The following TCF12 variants were observed in gnomAD, a reference collection of about 807,000 sequenced individuals.
The protein encoded by TCF12 is DNA-binding protein HTF4.
TCF12 carries 45 observed loss-of-function variants against 86.0 expected under a neutral mutation model. The observed-to-expected ratio is 0.52, with a 90% CI of 0.41 to 0.67. TCF12 has a LOEUF of 0.67. TCF12 is among the 30% of genes least tolerant of loss of function. The pLI, the probability that TCF12 is intolerant of heterozygous loss-of-function variation, is 0.00. For missense variants in TCF12, 881 were observed against 859.9 expected, an observed-to-expected ratio of 1.02 and a Z score of -0.31; for synonymous variants, 330 against 299.6, an observed-to-expected ratio of 1.10 and a Z score of -1.05.
chr15:57,063,290 A>G (rs1250246031), intron 3 of TCF12, among the ~76,000 whole-genome samples: 1 of 152,230 alleles, frequency 6.6e-6, no homozygotes, highest in African/African-American at 2.4e-5. Flanking sequence ...TCAGTTAAGA[A>G]TATCTGATCA....
At position 57,270,115 on chromosome 15, in the gene TCF12, T is replaced by A. The variant is rs563063868; in HGVS notation, c.1746-2915T>A. On this transcript the variant is annotated intron_variant, in intron 18 of 20. Transcript: ENST00000333725. Reference sequence around the variant, plus strand: ...TTGAATGTTGACCTGCCTTGCTAGGTTGGGGAAGTTCTCCTGGATAATATC... The same window carrying A: ...TTGAATGTTGACCTGCCTTGCTAGGATGGGGAAGTTCTCCTGGATAATATC... Among the ~76,000 whole-genome samples the A allele has an allele frequency of 2.0e-5, 3 of 152,308 alleles. No homozygotes were observed. The East Asian group carries it at 5.8e-4, about 29-fold the overall frequency.
Position 57,138,039 on chromosome 15 carries a change from A to AT in TCF12, c.326-28363_326-28362insT, listed in dbSNP as rs199731643. 8.6e-4 allele frequency among the ~76,000 whole-genome samples: 107 copies of AT among 124,134 alleles called. 6 individuals carry two copies. The East Asian group carries it at 0.021, about 24-fold the overall frequency. 81.4% of individuals were successfully genotyped at this position (124,134 alleles called of 152,430 possible). On this transcript the variant is annotated intron_variant, in intron 5 of 20. Transcript: ENST00000333725. ...GTGAGACTCTGTCTCAAAAGAAAAA[A>AT]AAAAAAATAAAGTATTACCACCAGT...
At chr15:57,122,232 A>G (rs948111791) in intron 5 of TCF12, among the ~76,000 whole-genome samples, 1 of 151,898 alleles carries the variant, frequency 6.6e-6, no homozygotes, top group Non-Finnish European at 1.5e-5. Context: ...AGGAAATAAA[A>G]ATTTGCCTTG....
At chr15:57,282,821 G>T (rs1014001807) in intron 20 of TCF12, among the ~76,000 whole-genome samples, 2 of 152,298 alleles carry the variant, frequency 1.3e-5, no homozygotes, top group Non-Finnish European at 2.9e-5. Context: ...GCAGTATCTT[G>T]TGACTTTGGT....
chr15:56,918,343 G>A (rs780674701), upstream of TCF12: 1 of 441,582 alleles, frequency 2.3e-6, no homozygotes, highest in South Asian at 1.6e-5. Context: ...AGACCAACGC[G>A]AGGAGGCGCC....
At chr15:56,944,357 C>T (rs1247796186) in intron 3 of TCF12, among the ~76,000 whole-genome samples, 1 of 152,060 alleles carries the variant, frequency 6.6e-6, no homozygotes, top group Non-Finnish European at 1.5e-5. Context: ...AATGGGTTGT[C>T]AGTTTTATTT....
At chr15:57,219,131 T>G (rs1447200845) in intron 8 of TCF12, 1 of 1,064,458 alleles carries the variant, frequency 9.4e-7, no homozygotes, top group African/African-American at 1.6e-5. Context: ...AAAAACAGAT[T>G]AGCAGAAAAT....
At chr15:57,271,556 A>T (rs901650225) in intron 18 of TCF12, among the ~76,000 whole-genome samples, 1 of 152,160 alleles carries the variant, frequency 6.6e-6, no homozygotes, top group Non-Finnish European at 1.5e-5. Context: ...ACGTGAGGCA[A>T]TGCCCCACCC....
At chr15:57,227,534 A>C (rs1330701808) in intron 8 of TCF12, among the ~76,000 whole-genome samples, 4 of 152,178 alleles carry the variant, frequency 2.6e-5, no homozygotes, top group African/African-American at 9.6e-5. Flanking sequence ...CCCAAAGTAT[A>C]CTATCCCTTT....
intron 7 of TCF12, among the ~76,000 whole-genome samples, chr15:57,197,388 C>G (rs1362303983): frequency 6.6e-6 from 1 of 152,002 alleles, no homozygotes; most frequent in Non-Finnish European, 1.5e-5. Context: ...AAACTCCTGA[C>G]CTCAGGTGAT....
In TCF12 at chr15:56,965,581, T is replaced by C. The variant is rs114513933; in HGVS notation, c.148+44483T>C. ...ATTAGTTATTTGCATGTATATTATA[T>C]CTGGAAATGGTAATAAATATTCATT... On this transcript the variant is annotated intron_variant, in intron 3 of 20. Coordinates refer to ENST00000333725, the MANE Select transcript of TCF12 (RefSeq NM_207037.2). 8.9e-3 allele frequency among the ~76,000 whole-genome samples: 1,362 copies of C among 152,282 alleles called. 13 individuals are homozygous for C. Among genetic ancestry groups the C allele is most frequent in the African/African-American group, 0.027 (1,130 of 41,556 alleles).
At chr15:57,130,558 C>T (rs1035767241) in intron 5 of TCF12, among the ~76,000 whole-genome samples, 11 of 152,160 alleles carry the variant, frequency 7.2e-5, no homozygotes, top group African/African-American at 2.7e-4. Context: ...CATTGACCAA[C>T]ATCTCCAGTT....
At chr15:57,177,930 C>G (rs1189107096) in intron 6 of TCF12, among the ~76,000 whole-genome samples, 4 of 151,988 alleles carry the variant, frequency 2.6e-5, no homozygotes, top group African/African-American at 9.7e-5. Flanking sequence ...AGGCTGCATT[C>G]ATTGTTTCTT....
chr15:57,185,061 C>A (rs1307250523), intron 6 of TCF12, among the ~76,000 whole-genome samples: 3 of 152,080 alleles, frequency 2.0e-5, no homozygotes, highest in African/African-American at 7.2e-5. Flanking sequence ...ACAATTAATG[C>A]TAAATAATTA....
intron 3 of TCF12, among the ~76,000 whole-genome samples, chr15:57,025,509 A>C (rs927664691): frequency 2.6e-5 from 4 of 152,110 alleles, no homozygotes; most frequent in African/African-American, 9.7e-5. Flanking sequence ...GTTTTGTTTC[A>C]GTTAGAATAA....
chr15:57,133,567 C>T (rs564134584), intron 5 of TCF12, among the ~76,000 whole-genome samples: 3 of 151,028 alleles, frequency 2.0e-5, no homozygotes, highest in South Asian at 4.2e-4. Flanking sequence ...TGCGCCCCAC[C>T]GAGGTGATTG....
At chr15:56,971,062 C>T (rs1260552637) in intron 3 of TCF12, among the ~76,000 whole-genome samples, 3 of 151,930 alleles carry the variant, frequency 2.0e-5, no homozygotes, top group African/African-American at 7.2e-5. Context: ...CACAAACAAA[C>T]AAAAAATTGT....
chr15:56,969,332 G>A (rs1326825301), intron 3 of TCF12, among the ~76,000 whole-genome samples: 1 of 152,104 alleles, frequency 6.6e-6, no homozygotes, highest in Non-Finnish European at 1.5e-5. Flanking sequence ...GACCAGTTAG[G>A]AGACTACAGA....
chr15:57,277,533 G>A (rs1426915092), intron 19 of TCF12, among the ~76,000 whole-genome samples: 1 of 151,370 alleles, frequency 6.6e-6, no homozygotes, highest in Non-Finnish European at 1.5e-5. Context: ...GGAGGCTGAG[G>A]CAGGAGAATC....
Sources: allele counts gnomAD v4.1 joint callset (sites outside exome capture counted in the v4.1 genomes callset), GRCh38; gene constraint gnomAD v4.1.1; transcripts MANE v1.5; gene names NCBI Gene and HGNC (gene_info 2026-07-23, HGNC 2026-07-21).